The following TM9SF3 variants were observed in gnomAD, a reference collection of about 807,000 sequenced individuals.
TM9SF3 encodes the protein SM-11044-binding protein.
TM9SF3 carries 14 observed loss-of-function variants against 78.6 expected under a neutral mutation model. The ratio of observed to expected loss-of-function variants is 0.18; its 90% CI spans 0.12 to 0.28. TM9SF3 has a LOEUF of 0.28. TM9SF3 is among the 10% of genes least tolerant of loss of function. TM9SF3 has a pLI of 1.00. For synonymous variants in TM9SF3, 231 were observed against 241.7 expected (o/e 0.96, Z 0.41); for missense variants, 496 against 721.9 (o/e 0.69, Z 3.59).
intron 5 of TM9SF3, among the ~76,000 whole-genome samples, chr10:96,553,967 T>C (rs1466432644): frequency 6.6e-6 from 1 of 152,184 alleles, no homozygotes; most frequent in Non-Finnish European, 1.5e-5. Context: ...AATGCCATCC[T>C]TTCTGCTGCC....
At chr10:96,540,769 C>CTTTTTT (rs68126103) in intron 9 of TM9SF3, among the ~76,000 whole-genome samples, 648 of 51,352 alleles carry the variant, frequency 0.013, 32 homozygotes, top group African/African-American at 0.025. Flanking sequence ...TATTACCTTT[C>CTTTTTT]TTTTTTTTTT....
chr10:96,551,452 T>C, intron 6 of TM9SF3, 41 bp from the exon 7 acceptor site: 1 of 1,400,596 alleles, frequency 7.1e-7, no homozygotes, highest in Middle Eastern at 1.9e-4. Context: ...AAGCAAATCA[T>C]TCAGAATCAA....
intron 5 of TM9SF3, among the ~76,000 whole-genome samples, chr10:96,555,618 C>G (rs1477851581): frequency 6.6e-6 from 1 of 152,186 alleles, no homozygotes; most frequent in East Asian, 1.9e-4. Flanking sequence ...CTCTATGGAT[C>G]TTCTTGAAAA....
At chr10:96,564,067 T>C (rs1004652410) in intron 3 of TM9SF3, among the ~76,000 whole-genome samples, 1 of 151,012 alleles carries the variant, frequency 6.6e-6, no homozygotes, top group Non-Finnish European at 1.5e-5. Flanking sequence ...GAGGATTGCT[T>C]GAAGCCAGAA....
intron 2 of TM9SF3, among the ~76,000 whole-genome samples, chr10:96,573,830 T>C (rs1208081653): frequency 6.6e-6 from 1 of 152,124 alleles, no homozygotes; most frequent in African/African-American, 2.4e-5. Context: ...GACAAAAGGA[T>C]TCCCTATTTA....
chr10:96,525,536 G>A (rs1382589131), intron 14 of TM9SF3, among the ~76,000 whole-genome samples: 3 of 151,866 alleles, frequency 2.0e-5, no homozygotes, highest in Non-Finnish European at 4.4e-5. Flanking sequence ...GTACCCCAAA[G>A]GTGTCCATAA....
intron 5 of TM9SF3, 65 bp downstream of exon 5, chr10:96,559,594 T>C (rs1423722709): frequency 2.6e-6 from 3 of 1,150,482 alleles, no homozygotes; most frequent in Non-Finnish European, 2.5e-6. Context: ...AAATGACAGA[T>C]ACTCAATGTT....
chr10:96,556,440 C>G (rs1057074010), intron 5 of TM9SF3, among the ~76,000 whole-genome samples: 29 of 152,120 alleles, frequency 1.9e-4, no homozygotes, highest in Non-Finnish European at 3.7e-4. Context: ...TCATAGTAAG[C>G]GGCAAAGCAT....
chr10:96,551,636 T>A (rs571660363), intron 6 of TM9SF3, among the ~76,000 whole-genome samples: 3 of 152,118 alleles, frequency 2.0e-5, no homozygotes, highest in Non-Finnish European at 4.4e-5. Context: ...GCTCAGAGAA[T>A]CTCAAATAAC....
chr10:96,551,315 A>T lies in TM9SF3; in HGVS notation c.889T>A (p.Ser297Thr). ...HPLIFSSLIGSGCQIFAVSLI... is the reference protein window; with the variant it reads ...HPLIFSSLIGTGCQIFAVSLI... Reference sequence around the variant, plus strand: ...GACACAGCAAATATCTGACATCCAGAACCAATCAGAGAGGAAAATATCAGT... The same window carrying T: ...GACACAGCAAATATCTGACATCCAGTACCAATCAGAGAGGAAAATATCAGT... Residue 297 changes from serine to threonine, a missense_variant, in exon 7 of 15, where the codon TCT (serine) becomes ACT (threonine). Physicochemically the swap from Ser to Thr is moderately conservative, Grantham distance 58. Transcript: ENST00000371142. The T allele has an allele frequency of 6.2e-7, 1 of 1,613,140 alleles. No individual in the cohort carries two copies. The highest frequency in any genetic ancestry group is 8.5e-7 in the Non-Finnish European group (1 of 1,179,666).
chr10:96,541,958 G>C (rs987351851), intron 9 of TM9SF3, among the ~76,000 whole-genome samples: 1 of 152,156 alleles, frequency 6.6e-6, no homozygotes, highest in African/African-American at 2.4e-5. Context: ...CTACAGATTG[G>C]GTTTAAAGCA....
chr10:96,557,553 C>T (rs1383078540), intron 5 of TM9SF3, among the ~76,000 whole-genome samples: 1 of 112,138 alleles, frequency 8.9e-6, no homozygotes, highest in African/African-American at 3.7e-5. Flanking sequence ...TACAGTGCTC[C>T]CCTGCCCCCT....
At chr10:96,582,609 A>C (rs1848583263) in intron 1 of TM9SF3, among the ~76,000 whole-genome samples, 1 of 152,210 alleles carries the variant, frequency 6.6e-6, no homozygotes, top group South Asian at 2.1e-4. Context: ...CAAAAGTGTT[A>C]ATTTTCATTT....
chr10:96,568,208 G>A (rs1426331665), intron 2 of TM9SF3, among the ~76,000 whole-genome samples: 1 of 152,182 alleles, frequency 6.6e-6, no homozygotes, highest in Non-Finnish European at 1.5e-5. Flanking sequence ...CCTCAGGAGG[G>A]AGCCAATTTG....
At chr10:96,524,468 C>T (rs922323007) in intron 14 of TM9SF3, among the ~76,000 whole-genome samples, 4 of 151,728 alleles carry the variant, frequency 2.6e-5, no homozygotes, top group African/African-American at 7.3e-5. Context: ...ATTTTCCAGA[C>T]GTACAAAACA....
intron 14 of TM9SF3, among the ~76,000 whole-genome samples, chr10:96,524,245 C>G (rs1473512517): frequency 6.6e-6 from 1 of 151,776 alleles, no homozygotes. Flanking sequence ...TTTGCAATGA[C>G]ATTTCTTTTA....
At chr10:96,537,120 G>A (rs944176917) in intron 9 of TM9SF3, among the ~76,000 whole-genome samples, 2 of 152,190 alleles carry the variant, frequency 1.3e-5, no homozygotes, top group Non-Finnish European at 2.9e-5. Flanking sequence ...TCAGTTGTAC[G>A]GGCAGGGGGT....
At chr10:96,576,857 A>T (rs749920670) in intron 1 of TM9SF3, 28 bp from the exon 2 acceptor site, 35 of 882,126 alleles carry the variant, frequency 4.0e-5, no homozygotes, top group Non-Finnish European at 4.5e-5. Context: ...AACAAGAATT[A>T]AAAAAAAAAA....
chr10:96,524,618 C>A (rs1302242119), intron 14 of TM9SF3, among the ~76,000 whole-genome samples: 4 of 151,766 alleles, frequency 2.6e-5, no homozygotes, highest in South Asian at 2.1e-4. Context: ...AATATGCCCT[C>A]TAGAAAAGTA....
Sources: allele counts gnomAD v4.1 joint callset (sites outside exome capture counted in the v4.1 genomes callset), GRCh38; gene constraint gnomAD v4.1.1; transcripts MANE v1.5; gene names NCBI Gene and HGNC (gene_info 2026-07-23, HGNC 2026-07-21).